IQCH: variants seen among roughly 807,000 people sequenced by gnomAD.
IQCH encodes the protein IQ motif containing H.
Under a neutral mutation model 117.0 loss-of-function variants are expected in IQCH, and 98 were observed. The observed-to-expected ratio is 0.84, with a 90% CI of 0.71 to 0.99. IQCH has a LOEUF of 0.99. IQCH is among the 50% of genes least tolerant of loss of function. IQCH has a pLI of 0.00. For synonymous variants in IQCH, 412 were observed against 448.2 expected (o/e 0.92, Z 1.02); for missense variants, 1,102 against 1,243.8 (o/e 0.89, Z 1.72).
intron 14 of IQCH, among the ~76,000 whole-genome samples, chr15:67,414,552 T>G (rs2140902181): frequency 6.6e-6 from 1 of 151,614 alleles, no homozygotes; most frequent in East Asian, 1.9e-4. Flanking sequence ...TGTTGAGGAG[T>G]TTGGACTTGA....
rs998137453 is a variant in IQCH at position 67,443,045 on chromosome 15, T to G, written c.2505+21468T>G. 4.0e-5 allele frequency among the ~76,000 whole-genome samples: 6 copies of G among 151,648 alleles called. No homozygotes were observed. Among genetic ancestry groups the G allele is most frequent in the African/African-American group, 4.8e-5 (2 of 41,376 alleles). ...TCTTGCTGTTTCGCCCAGTCCAGAG[T>G]GCAGTGGTGCGATCTCGGCTCACTG... On this transcript the variant is annotated intron_variant, in intron 16 of 20. Coordinates refer to ENST00000335894, the MANE Select transcript of IQCH (RefSeq NM_001031715.3). This position sits in a 1 kb window ranked among gnomAD's most constrained non-coding sequence, Gnocchi z 5.0.
intron 17 of IQCH, among the ~76,000 whole-genome samples, chr15:67,471,302 C>G (rs191485793): frequency 6.7e-6 from 1 of 148,240 alleles, no homozygotes; most frequent in Non-Finnish European, 1.5e-5. Flanking sequence ...ATCATTATTT[C>G]TTTTTTGATC....
intron 1 of IQCH, 135 bp from the exon 2 acceptor site, chr15:67,261,137 C>T (rs1965443976): frequency 1.9e-6 from 1 of 517,626 alleles, no homozygotes; most frequent in Non-Finnish European, 3.3e-6. Context: ...AAAAGTGGTC[C>T]TTTTCAATGA....
chr15:67,399,196 C>T (rs1971563129), intron 13 of IQCH, among the ~76,000 whole-genome samples: 1 of 152,172 alleles, frequency 6.6e-6, no homozygotes, highest in South Asian at 2.1e-4. Flanking sequence ...TCCTACTCTG[C>T]TACTCAATGC....
chr15:67,379,716 C>T (rs1209858076), intron 10 of IQCH, among the ~76,000 whole-genome samples: 1 of 152,216 alleles, frequency 6.6e-6, no homozygotes, highest in Non-Finnish European at 1.5e-5. Flanking sequence ...CCCTCATTCA[C>T]TGTCTCTCTC....
rs1020781228 is a variant in IQCH at position 67,493,624 on chromosome 15, C to T, written c.2862-634C>T. 1.6e-4 allele frequency among the ~76,000 whole-genome samples: 25 copies of T among 152,196 alleles called. No homozygotes were observed. The highest frequency in any genetic ancestry group is 6.0e-4 in the African/African-American group (25 of 41,454). ...CAAGGAAATCATTCGGCAAGGATCACACTTAGCGACAGTTCTCCTAAAGTA... is the reference window on the plus strand; with the variant it reads ...CAAGGAAATCATTCGGCAAGGATCATACTTAGCGACAGTTCTCCTAAAGTA... On this transcript the variant is annotated intron_variant, in intron 19 of 20. Coordinates refer to ENST00000335894, the MANE Select transcript of IQCH (RefSeq NM_001031715.3). The surrounding 1 kb of genome is among the most constrained non-coding windows in gnomAD (Gnocchi z 5.1).
Position 67,430,683 on chromosome 15 carries a change from A to T in IQCH, c.2505+9106A>T, listed in dbSNP as rs1419297258. Among the ~76,000 whole-genome samples the T allele has an allele frequency of 6.6e-6, 1 of 152,170 alleles. No individual in the cohort carries two copies. Among genetic ancestry groups the T allele is most frequent in the African/African-American group, 2.4e-5 (1 of 41,440 alleles). On this transcript the variant is annotated intron_variant, in intron 16 of 20. Coordinates refer to ENST00000335894, the MANE Select transcript of IQCH (RefSeq NM_001031715.3). This position sits in a 1 kb window ranked among gnomAD's most constrained non-coding sequence, Gnocchi z 5.1. Reference sequence around the variant, plus strand: ...CTTTTGGAACTTCTAGATGATCCAGATCTTTTGTAGTTAATTACTCACTTT... The same window carrying T: ...CTTTTGGAACTTCTAGATGATCCAGTTCTTTTGTAGTTAATTACTCACTTT...
At chr15:67,297,302 A>G (rs758512739) in intron 4 of IQCH, among the ~76,000 whole-genome samples, 23 of 152,216 alleles carry the variant, frequency 1.5e-4, no homozygotes, top group Non-Finnish European at 1.8e-4. Context: ...AAAAATCCAT[A>G]TAGCCATCTC....
At position 67,372,296 on chromosome 15, in the gene IQCH, T is replaced by A. The variant is rs1970565016; in HGVS notation, c.939T>A (p.Ala313=). The change falls in exon 9 of 21, where the codon GCT becomes GCA. Residue 313 remains alanine (A), a synonymous_variant. Transcript: ENST00000335894. ...TCGAGAAGTTTCTCAGGAACTATGC[T>A]ATACCAGAAGTCAAAATAAAAGGGA... ...EHVEKFLRNY[A]IPEVKIKGNN... is the part of the protein sequence containing the mutation. The A allele has an allele frequency of 6.2e-7, 1 of 1,614,036 alleles. No homozygotes were observed. The highest frequency in any genetic ancestry group is 1.3e-5 in the African/African-American group (1 of 74,926).
At chr15:67,452,333 G>A (rs899196154) in intron 16 of IQCH, among the ~76,000 whole-genome samples, 2 of 152,072 alleles carry the variant, frequency 1.3e-5, no homozygotes, top group Middle Eastern at 3.4e-3. Context: ...TGGTCTTTAC[G>A]ATTTGGCATG....
At chr15:67,421,030 A>G (rs2081724049) in intron 15 of IQCH, among the ~76,000 whole-genome samples, 2 of 152,246 alleles carry the variant, frequency 1.3e-5, no homozygotes. Flanking sequence ...AATTATAATC[A>G]GAATCAAAAT....
intron 3 of IQCH, among the ~76,000 whole-genome samples, chr15:67,271,514 G>T (rs1202466718): frequency 6.6e-6 from 1 of 152,130 alleles, no homozygotes; most frequent in East Asian, 1.9e-4. Flanking sequence ...ATGGTTGATA[G>T]GTAGAAATTA....
At position 67,310,723 on chromosome 15, in the gene IQCH, A is replaced by G. The variant is rs117470151; in HGVS notation, c.388-26252A>G. On this transcript the variant is annotated intron_variant, in intron 4 of 20. Coordinates refer to ENST00000335894, the MANE Select transcript of IQCH (RefSeq NM_001031715.3). ...TTACATGATTTGAAATGAGCTATAC[A>G]ATCTTTGACAGTGCAAGGTTGCAAT... 9.2e-5 allele frequency among the ~76,000 whole-genome samples: 14 copies of G among 152,272 alleles called. No individual in the cohort carries two copies. In the East Asian group the frequency reaches 2.7e-3, roughly 29 times the overall value.
chr15:67,266,659 A>T (rs1965687126), intron 3 of IQCH, among the ~76,000 whole-genome samples: 1 of 152,202 alleles, frequency 6.6e-6, no homozygotes. Context: ...TCCGTCTAAA[A>T]AAATAAATAA....
chr15:67,414,528 T>C lies in IQCH; in HGVS notation c.2098-2403T>C, dbSNP rs571785271. ...GCCAGAGGCCATATCACAGAGGACC[T>C]TCCTCATCTGTCATGTTGAGGAGTT... is the stretch of plus-strand genomic sequence containing the variant. On this transcript the variant is annotated intron_variant, in intron 14 of 20. Coordinates refer to ENST00000335894, the MANE Select transcript of IQCH (RefSeq NM_001031715.3). Among the ~76,000 whole-genome samples, 15 of 152,060 alleles carry C rather than the reference T, an allele frequency of 9.9e-5. No homozygotes were observed. The East Asian group carries it at 2.9e-3, about 29-fold the overall frequency.
chr15:67,394,222 C>G (rs1209304434), intron 12 of IQCH, among the ~76,000 whole-genome samples: 1 of 152,204 alleles, frequency 6.6e-6, no homozygotes, highest in Admixed American at 6.5e-5. Flanking sequence ...GAATTCACCT[C>G]AACCCCAACC....
chr15:67,486,780 T>C (rs2083493424), intron 18 of IQCH, among the ~76,000 whole-genome samples: 1 of 152,234 alleles, frequency 6.6e-6, no homozygotes, highest in African/African-American at 2.4e-5. Flanking sequence ...TTTTATTTAA[T>C]CCAGTATATT....
At chr15:67,282,993 G>A (rs9920393) in intron 4 of IQCH, among the ~76,000 whole-genome samples, 4 of 151,814 alleles carry the variant, frequency 2.6e-5, no homozygotes, top group African/African-American at 9.7e-5. Context: ...GTTTTCTCTT[G>A]AAAAAAATAG....
intron 15 of IQCH, among the ~76,000 whole-genome samples, chr15:67,419,705 C>A (rs889771345): frequency 1.3e-5 from 2 of 152,134 alleles, no homozygotes; most frequent in East Asian, 3.8e-4. Context: ...AGGCGCACAC[C>A]CCCACGCCCA....
Sources: gnomAD v4.1 joint callset for allele counts (sites outside exome capture counted in the v4.1 genomes callset) on GRCh38, gnomAD v4.1.1 for gene constraint, Gnocchi (gnomAD v3.1) non-coding constraint, MANE v1.5 for transcripts, NCBI Gene and HGNC (gene_info 2026-07-23, HGNC 2026-07-21) for gene names.